UNC13C: variants seen among roughly 807,000 people sequenced by gnomAD.
The protein encoded by UNC13C is protein unc-13 homolog C.
In UNC13C, 174 loss-of-function variants were observed where a neutral mutation model predicts 245.4. The ratio of observed to expected loss-of-function variants is 0.71; its 90% CI spans 0.63 to 0.80. UNC13C has a LOEUF of 0.80. Ranked by LOEUF, UNC13C falls within the 30% of genes least tolerant of loss-of-function variation. UNC13C has a pLI of 0.00. For missense variants in UNC13C, 2,829 were observed against 2,602.9 expected, an observed-to-expected ratio of 1.09 and a Z score of -1.89; for synonymous variants, 992 against 895.1, an observed-to-expected ratio of 1.11 and a Z score of -1.93.
chr15:54,020,501 T>C (rs1895855187), intron 2 of UNC13C, among the ~76,000 whole-genome samples: 1 of 148,492 alleles, frequency 6.7e-6, no homozygotes, highest in Non-Finnish European at 1.5e-5. Flanking sequence ...TCCAGGCTGG[T>C]CTCGAACTCC....
intron 1 of UNC13C, among the ~76,000 whole-genome samples, chr15:53,991,585 T>C (rs545131258): frequency 1.1e-4 from 16 of 152,116 alleles, no homozygotes; most frequent in Non-Finnish European, 1.3e-4. Context: ...CTCAACCTTC[T>C]AATCATCCAT....
chr15:54,522,046 T>C (rs1363999952), intron 24 of UNC13C, among the ~76,000 whole-genome samples: 1 of 152,150 alleles, frequency 6.6e-6, no homozygotes, highest in African/African-American at 2.4e-5. Context: ...AGAGGCTAGA[T>C]CTACTAACTG....
chr15:53,962,875 G>A, the UNC13C span, among the ~76,000 whole-genome samples: 3 of 152,218 alleles, frequency 2.0e-5, no homozygotes, highest in East Asian at 5.8e-4. Flanking sequence ...CCACCTGAAG[G>A]GAATAACTAA....
At chr15:54,495,027 C>T (rs1396062196) in intron 20 of UNC13C, among the ~76,000 whole-genome samples, 1 of 151,884 alleles carries the variant, frequency 6.6e-6, no homozygotes, top group African/African-American at 2.4e-5. Flanking sequence ...AATACCAGAA[C>T]ACAGATTTTT....
chr15:54,281,953 C>G (rs1201220844), intron 10 of UNC13C, among the ~76,000 whole-genome samples: 1 of 152,030 alleles, frequency 6.6e-6, no homozygotes, highest in Non-Finnish European at 1.5e-5. Flanking sequence ...TTCATGTAGC[C>G]TAATGTTTTT....
intron 10 of UNC13C, among the ~76,000 whole-genome samples, chr15:54,267,257 G>A (rs1244831939): frequency 6.9e-6 from 1 of 144,836 alleles, no homozygotes; most frequent in South Asian, 2.1e-4. Flanking sequence ...AATTAATTTA[G>A]GAATTGATTC....
At chr15:54,227,544 G>GA (rs2140803952) in intron 4 of UNC13C, among the ~76,000 whole-genome samples, 1 of 152,304 alleles carries the variant, frequency 6.6e-6, no homozygotes, top group Non-Finnish European at 1.5e-5. Context: ...TTCAGAGGGA[G>GA]ACCGAGGGGG....
At chr15:54,352,597 A>T (rs993539935) in intron 17 of UNC13C, among the ~76,000 whole-genome samples, 1 of 151,910 alleles carries the variant, frequency 6.6e-6, no homozygotes, top group African/African-American at 2.4e-5. Flanking sequence ...AAAATACAGC[A>T]ATTAATTATG....
At chr15:54,017,090 A>C (rs1406134821) in intron 2 of UNC13C, among the ~76,000 whole-genome samples, 2 of 152,202 alleles carry the variant, frequency 1.3e-5, no homozygotes, top group African/African-American at 2.4e-5. Flanking sequence ...TTCTAAGACA[A>C]CTGAAATAAC....
At chr15:54,099,351 A>T (rs1348498102) in intron 2 of UNC13C, among the ~76,000 whole-genome samples, 1 of 152,152 alleles carries the variant, frequency 6.6e-6, no homozygotes, top group African/African-American at 2.4e-5. Context: ...CTCTGCTGCA[A>T]ATCGTATTAC....
At chr15:54,257,733 T>A (rs763905120) in intron 8 of UNC13C, among the ~76,000 whole-genome samples, 1 of 152,212 alleles carries the variant, frequency 6.6e-6, no homozygotes, top group Non-Finnish European at 1.5e-5. Flanking sequence ...TCCTTTGTTG[T>A]TTGCGAAAAA....
chr15:53,869,788 G>A, the UNC13C span, among the ~76,000 whole-genome samples: 1 of 152,196 alleles, frequency 6.6e-6, no homozygotes, highest in Non-Finnish European at 1.5e-5. Flanking sequence ...AAGGTCTTGA[G>A]TAAACACCAC....
At chr15:54,170,762 T>C (rs2033368525) in intron 4 of UNC13C, among the ~76,000 whole-genome samples, 1 of 152,152 alleles carries the variant, frequency 6.6e-6, no homozygotes. Context: ...GATTCCTTTT[T>C]GTAAGTATGT....
intron 30 of UNC13C, among the ~76,000 whole-genome samples, chr15:54,578,317 T>C (rs1317035653): frequency 7.0e-6 from 1 of 143,466 alleles, no homozygotes; most frequent in African/African-American, 2.5e-5. Context: ...TTTTTTGTCA[T>C]GAATACTTGA....
In UNC13C at chr15:54,477,521, G is replaced by A. The variant is rs1431330124; in HGVS notation, c.4934-17087G>A. Among the ~76,000 whole-genome samples, 237 of 98,558 alleles carry A rather than the reference G, an allele frequency of 2.4e-3. 4 individuals are homozygous for A. The highest frequency in any genetic ancestry group is 4.2e-3 in the East Asian group (9 of 2,130). 64.7% of individuals were successfully genotyped at this position (98,558 alleles called of 152,430 possible). ...TTATTGAGAGTTTTTAGCATGAAGC[G>A]TTGTTGAATTTTTTCAAAGGCCTTT... On this transcript the variant is annotated intron_variant, in intron 19 of 32. Transcript: ENST00000260323.
chr15:54,257,490 G>A (rs1490810722), intron 8 of UNC13C, among the ~76,000 whole-genome samples: 2 of 152,206 alleles, frequency 1.3e-5, no homozygotes, highest in African/African-American at 2.4e-5. Flanking sequence ...ATATGGTGGG[G>A]ATGGTACAGG....
intron 2 of UNC13C, among the ~76,000 whole-genome samples, chr15:54,044,057 T>G (rs367753513): frequency 6.6e-6 from 1 of 152,262 alleles, no homozygotes; most frequent in South Asian, 2.1e-4. Context: ...AGAAACCCCA[T>G]GTTTATTGTC....
At chr15:54,379,395 A>G (rs1036989348) in intron 17 of UNC13C, among the ~76,000 whole-genome samples, 1 of 152,150 alleles carries the variant, frequency 6.6e-6, no homozygotes, top group African/African-American at 2.4e-5. Flanking sequence ...CAAACTCATG[A>G]CTGATACTGG....
At position 54,099,688 on chromosome 15, in the gene UNC13C, A is replaced by C. The variant is rs533274267; in HGVS notation, c.2984-43330A>C. On this transcript the variant is annotated intron_variant, in intron 2 of 32. Transcript: ENST00000260323. ...ATTCCCCCTTTGATTAAAATGAAAGAAAATCTCTTGCACTTCATCTGCTTG... is the reference window on the plus strand; with the variant it reads ...ATTCCCCCTTTGATTAAAATGAAAGCAAATCTCTTGCACTTCATCTGCTTG... 9.2e-5 allele frequency among the ~76,000 whole-genome samples: 14 copies of C among 152,250 alleles called. No homozygotes were observed. The South Asian group carries it at 2.9e-3, about 32-fold the overall frequency.
Sources: allele counts gnomAD v4.1 joint callset (sites outside exome capture counted in the v4.1 genomes callset), GRCh38; gene constraint gnomAD v4.1.1; transcripts MANE v1.5; gene names NCBI Gene and HGNC (gene_info 2026-07-23, HGNC 2026-07-21).